The following CTNND2 variants were observed in gnomAD, a reference collection of about 807,000 sequenced individuals.
The protein encoded by CTNND2 is catenin delta 2, also known as catenin delta-2.
Under a neutral mutation model 144.4 loss-of-function variants are expected in CTNND2, and 22 were observed. The ratio of observed to expected loss-of-function variants is 0.15; its 90% CI spans 0.11 to 0.22. The LOEUF (loss-of-function observed/expected upper bound fraction) is 0.22. CTNND2 is among the 10% of genes least tolerant of loss of function. The pLI is 1.00. For missense variants in CTNND2, 1,353 were observed against 1,618.8 expected (o/e 0.84, Z 2.82); for synonymous variants, 751 against 695.6 (o/e 1.08, Z -1.25).
intron 2 of CTNND2, among the ~76,000 whole-genome samples, chr5:11,672,824 TAC>T (rs1459356328): frequency 1.3e-5 from 2 of 152,072 alleles, no homozygotes; most frequent in African/African-American, 4.8e-5. Flanking sequence ...TTCCTCCCAG[TAC>T]AGTCTCTCAC....
chr5:11,139,861 C>G (rs1226509611), intron 12 of CTNND2, among the ~76,000 whole-genome samples: 3 of 152,176 alleles, frequency 2.0e-5, no homozygotes, highest in African/African-American at 7.2e-5. Context: ...CTGGGGGCTC[C>G]AGGGGAGAAT....
intron 1 of CTNND2, among the ~76,000 whole-genome samples, chr5:11,763,444 G>C (rs1789394548): frequency 6.6e-6 from 1 of 152,160 alleles, no homozygotes; most frequent in Non-Finnish European, 1.5e-5. Flanking sequence ...TCATTTCATT[G>C]TATGATCATG....
intron 10 of CTNND2, among the ~76,000 whole-genome samples, chr5:11,225,976 C>T (rs559970004): frequency 6.6e-6 from 1 of 152,150 alleles, no homozygotes; most frequent in Non-Finnish European, 1.5e-5. Flanking sequence ...AAGACAGAGG[C>T]AGAGATTAGA....
chr5:11,385,353 G>A (rs1397012789), intron 6 of CTNND2, 124 bp from the exon 7 acceptor site: 9 of 544,354 alleles, frequency 1.7e-5, no homozygotes, highest in Non-Finnish European at 2.1e-5. Context: ...GCGGCTCTGC[G>A]ATCCCAGCTG....
intron 3 of CTNND2, among the ~76,000 whole-genome samples, chr5:11,467,360 T>C (rs1307267960): frequency 3.9e-5 from 6 of 152,342 alleles, no homozygotes; most frequent in Non-Finnish European, 7.4e-5. Context: ...GGCCCTGAGA[T>C]GCTCTCTGTC....
At chr5:11,114,449 A>G (rs1238098166) in intron 13 of CTNND2, among the ~76,000 whole-genome samples, 1 of 152,150 alleles carries the variant, frequency 6.6e-6, no homozygotes, top group East Asian at 1.9e-4. Context: ...AGCCTCCAGG[A>G]GTTCTGCAGT....
chr5:11,787,919 T>G (rs2126862084), intron 1 of CTNND2, among the ~76,000 whole-genome samples: 1 of 152,362 alleles, frequency 6.6e-6, no homozygotes, highest in East Asian at 1.9e-4. Context: ...TCCTATAAAT[T>G]AGTAACACTG....
intron 9 of CTNND2, among the ~76,000 whole-genome samples, chr5:11,333,609 T>A (rs1753412916): frequency 6.6e-6 from 1 of 152,174 alleles, no homozygotes; most frequent in African/African-American, 2.4e-5. Context: ...ACTTAAAGGC[T>A]GGAAACAACA....
intron 11 of CTNND2, among the ~76,000 whole-genome samples, chr5:11,162,471 CAG>C (rs1471211893): frequency 6.6e-6 from 1 of 152,148 alleles, no homozygotes; most frequent in Non-Finnish European, 1.5e-5. Flanking sequence ...CACGAACAAA[CAG>C]AAGTTCACAT....
At chr5:11,462,319 T>C (rs1197833526) in intron 3 of CTNND2, among the ~76,000 whole-genome samples, 1 of 152,174 alleles carries the variant, frequency 6.6e-6, no homozygotes, top group Non-Finnish European at 1.5e-5. Flanking sequence ...CTGCCCTCTC[T>C]CCTATAGGCC....
At chr5:11,749,714 T>A (rs1249763698) in intron 1 of CTNND2, among the ~76,000 whole-genome samples, 1 of 152,030 alleles carries the variant, frequency 6.6e-6, no homozygotes, top group African/African-American at 2.4e-5. Flanking sequence ...ATTGCTGAAG[T>A]TTAGGTTGAT....
In CTNND2 at chr5:10,973,680, T is replaced by C. The variant is rs901269368; in HGVS notation, c.3451A>G (p.Arg1151Gly). The C allele has an allele frequency of 2.5e-6, 4 of 1,611,620 alleles. No homozygotes were observed. In the African/African-American group the frequency reaches 5.3e-5, roughly 22 times the overall value. ...GGCTGGTAGGTCTCGTAATCTTTTC[T>C]GCTGGGCTCCTGTGGGACTGGCTGT... ...SAQPVPQEPS[R>G]KDYETYQPFQ... Residue 1151 changes from arginine (R) to glycine (G), a missense_variant, in exon 22 of 22, where the codon AGA (arginine) becomes GGA (glycine). Physicochemically the swap from Arg to Gly is moderately radical, Grantham distance 125. Around this residue, in one of 4 missense-constraint regions of CTNND2, gnomAD observed 459 missense variants for 674.3 expected, o/e 0.68. Transcript: ENST00000304623. The surrounding 1 kb of genome is among the most constrained non-coding windows in gnomAD (Gnocchi z 5.6).
intron 1 of CTNND2, among the ~76,000 whole-genome samples, chr5:11,896,321 G>C (rs536362597): frequency 6.6e-6 from 1 of 152,064 alleles, no homozygotes; most frequent in Non-Finnish European, 1.5e-5. Flanking sequence ...AATGTGTATC[G>C]CTTGATATCT....
chr5:11,674,506 A>G (rs1301009777), intron 2 of CTNND2, among the ~76,000 whole-genome samples: 1 of 152,182 alleles, frequency 6.6e-6, no homozygotes, highest in Non-Finnish European at 1.5e-5. Context: ...TAACTGATGA[A>G]TCTACAGTGA....
At chr5:11,867,569 T>C (rs1165762601) in intron 1 of CTNND2, among the ~76,000 whole-genome samples, 1 of 152,210 alleles carries the variant, frequency 6.6e-6, no homozygotes, top group Non-Finnish European at 1.5e-5. Flanking sequence ...AGAATTATTG[T>C]GTATTAGACC....
intron 9 of CTNND2, among the ~76,000 whole-genome samples, chr5:11,265,020 A>G (rs930394729): frequency 2.6e-5 from 4 of 152,226 alleles, no homozygotes; most frequent in Non-Finnish European, 4.4e-5. Flanking sequence ...AAGCAAAACA[A>G]AGACAGGCTA....
chr5:11,352,755 C>T (rs1755456702), intron 8 of CTNND2, among the ~76,000 whole-genome samples: 1 of 152,096 alleles, frequency 6.6e-6, no homozygotes, highest in Non-Finnish European at 1.5e-5. Flanking sequence ...AGGAAAAAAA[C>T]AACAAATGAT....
chr5:11,726,116 C>T, intron 2 of CTNND2, among the ~76,000 whole-genome samples: 1 of 152,088 alleles, frequency 6.6e-6, no homozygotes, highest in East Asian at 1.9e-4. Context: ...ACCTTTGCTC[C>T]AGGCAGTGTC....
chr5:11,141,632 A>G (rs56231024), intron 12 of CTNND2, among the ~76,000 whole-genome samples: 5,127 of 152,242 alleles, frequency 0.034, 127 homozygotes, highest in Non-Finnish European at 0.048. Context: ...CAAAGGGAGA[A>G]AAAACTGTTT....
Sources: allele counts gnomAD v4.1 joint callset (sites outside exome capture counted in the v4.1 genomes callset), GRCh38; gene constraint gnomAD v4.1.1; regional missense constraint gnomAD v4.1.1; non-coding constraint Gnocchi (gnomAD v3.1); transcripts MANE v1.5; gene names NCBI Gene and HGNC (gene_info 2026-07-23, HGNC 2026-07-21).